NALF1: variants seen among roughly 807,000 people sequenced by gnomAD.
NALF1 encodes the protein NALCN channel auxiliary factor 1.
A neutral mutation model predicts 48.4 loss-of-function variants in NALF1; 3 were observed. The observed-to-expected ratio is 0.06, with a 90% confidence interval of 0.03 to 0.16. The LOEUF is 0.16. NALF1 is among the 10% of genes least tolerant of loss of function. The pLI, the probability that NALF1 is intolerant of heterozygous loss-of-function variation, is 1.00. For missense variants in NALF1, 526 were observed against 571.5 expected, an observed-to-expected ratio of 0.92 and a Z score of 0.81; for synonymous variants, 262 against 245.7, an observed-to-expected ratio of 1.07 and a Z score of -0.62.
chr13:107,805,737 A>G (rs1490518761), intron 1 of NALF1, among the ~76,000 whole-genome samples: 1 of 152,192 alleles, frequency 6.6e-6, no homozygotes, highest in Non-Finnish European at 1.5e-5. Flanking sequence ...ACACAGAAAT[A>G]AATTATTTTC....
Position 107,170,587 on chromosome 13 carries a change from T to C in NALF1, c.1287A>G (p.Thr429=), listed in dbSNP as rs2138762485. ...LCVLVLILLH[T]VLTASAAQNT... ...TCTGTGCTGCCGAGGCTGTGAGCAC[T>C]GTGTGTAAGAGAATCAGTACAAGAA... Residue 429 remains threonine (T), a synonymous_variant, in exon 3 of 3, where the codon ACA becomes ACG. Transcript: ENST00000375915. 1 of 1,614,224 alleles carries C rather than the reference T, an allele frequency of 6.2e-7. No individual in the cohort carries two copies. Among genetic ancestry groups the C allele is most frequent in the Non-Finnish European group, 8.5e-7 (1 of 1,180,040 alleles).
chr13:107,541,341 T>C (rs189156389), intron 1 of NALF1, among the ~76,000 whole-genome samples: 2 of 152,274 alleles, frequency 1.3e-5, no homozygotes, highest in East Asian at 1.9e-4. Context: ...TAATTCAGTA[T>C]GTCTCTGTCT....
chr13:107,209,336 G>A (rs1233495406), intron 2 of NALF1, among the ~76,000 whole-genome samples: 2 of 152,036 alleles, frequency 1.3e-5, no homozygotes, highest in African/African-American at 2.4e-5. Context: ...GTGAAACACC[G>A]TCTCTACTAA....
chr13:107,726,401 T>C (rs1876151192), intron 1 of NALF1, among the ~76,000 whole-genome samples: 1 of 152,114 alleles, frequency 6.6e-6, no homozygotes, highest in African/African-American at 2.4e-5. Flanking sequence ...TATATTATGC[T>C]GTCTCACAAA....
rs529313377 is a variant in NALF1, at chr13:107,281,917, C to T, written c.916-71162G>A. Among the ~76,000 whole-genome samples the T allele has an allele frequency of 2.0e-5, 3 of 152,210 alleles. No homozygotes were observed. In the South Asian group the frequency reaches 6.2e-4, roughly 32 times the overall value. ...CACGGGGCAGCCTGGGGGAAACCAC[C>T]CCCATGATTCAATTACATCCACCTG... is the stretch of plus-strand genomic sequence containing the variant. On this transcript the variant is annotated intron_variant, in intron 1 of 2. Transcript: ENST00000375915.
At chr13:107,766,827 T>C (rs908033270) in intron 1 of NALF1, among the ~76,000 whole-genome samples, 2 of 152,220 alleles carry the variant, frequency 1.3e-5, no homozygotes, top group African/African-American at 2.4e-5. Flanking sequence ...CCTACTTCAG[T>C]CTTTGTTTTA....
At chr13:107,411,441 T>C (rs1213764661) in intron 1 of NALF1, among the ~76,000 whole-genome samples, 1 of 151,574 alleles carries the variant, frequency 6.6e-6, no homozygotes, top group Non-Finnish European at 1.5e-5. Flanking sequence ...CCCCACAAAG[T>C]ATTGGGATTA....
At chr13:107,817,321 A>G (rs1879197605) in intron 1 of NALF1, among the ~76,000 whole-genome samples, 1 of 152,208 alleles carries the variant, frequency 6.6e-6, no homozygotes, top group Non-Finnish European at 1.5e-5. Context: ...ACAACAATGC[A>G]TATAGGTGTG....
chr13:107,850,731 C>T (rs1479208219), intron 1 of NALF1, among the ~76,000 whole-genome samples: 1 of 152,010 alleles, frequency 6.6e-6, no homozygotes, highest in Non-Finnish European at 1.5e-5. Flanking sequence ...GGTGAAACTC[C>T]ATCTCTACTA....
intron 1 of NALF1, among the ~76,000 whole-genome samples, chr13:107,580,463 C>T (rs1193797541): frequency 6.6e-6 from 1 of 152,146 alleles, no homozygotes; most frequent in Non-Finnish European, 1.5e-5. Flanking sequence ...CCCAATGGCA[C>T]CTCTCCCACA....
chr13:107,405,433 T>C (rs1056469760), intron 1 of NALF1, among the ~76,000 whole-genome samples: 2 of 152,072 alleles, frequency 1.3e-5, no homozygotes, highest in East Asian at 1.9e-4. Flanking sequence ...GTCTAGTGCC[T>C]TGAAGTGGCC....
intron 1 of NALF1, among the ~76,000 whole-genome samples, chr13:107,230,470 T>C (rs1007397512): frequency 1.3e-5 from 2 of 152,164 alleles, no homozygotes; most frequent in Non-Finnish European, 1.5e-5. Flanking sequence ...TGTGAATATA[T>C]TGACGTTGTA....
At chr13:107,432,585 G>A (rs1482037777) in intron 1 of NALF1, among the ~76,000 whole-genome samples, 2 of 152,120 alleles carry the variant, frequency 1.3e-5, no homozygotes, top group South Asian at 2.1e-4. Flanking sequence ...TGTCTGCTAC[G>A]AATGAGTGAC....
chr13:107,359,254 C>A (rs1594136085), intron 1 of NALF1, among the ~76,000 whole-genome samples: 1 of 152,024 alleles, frequency 6.6e-6, no homozygotes, highest in Non-Finnish European at 1.5e-5. Context: ...TCTCTCATGT[C>A]AACATTCATG....
At chr13:107,621,131 T>C (rs1023535554) in intron 1 of NALF1, among the ~76,000 whole-genome samples, 2 of 152,158 alleles carry the variant, frequency 1.3e-5, no homozygotes, top group African/African-American at 4.8e-5. Flanking sequence ...TTGCAGTTAG[T>C]AGTTACATTC....
intron 1 of NALF1, among the ~76,000 whole-genome samples, chr13:107,508,647 G>A (rs1875777788): frequency 6.6e-6 from 1 of 152,006 alleles, no homozygotes; most frequent in Admixed American, 6.6e-5. Flanking sequence ...TCAAATTCAA[G>A]TTGTTTTTTC....
chr13:107,776,376 G>A (rs1475132578), intron 1 of NALF1, among the ~76,000 whole-genome samples: 2 of 152,138 alleles, frequency 1.3e-5, no homozygotes, highest in African/African-American at 2.4e-5. Flanking sequence ...GTGTGGCAGT[G>A]AGAAGTAAAG....
chr13:107,261,928 C>T (rs992185639), intron 1 of NALF1, among the ~76,000 whole-genome samples: 8 of 152,094 alleles, frequency 5.3e-5, no homozygotes, highest in Admixed American at 1.3e-4. Context: ...TGTCTCTCCC[C>T]GCCTCTCCCG....
chr13:107,735,905 C>A (rs1876453803), intron 1 of NALF1, among the ~76,000 whole-genome samples: 1 of 152,126 alleles, frequency 6.6e-6, no homozygotes, highest in Non-Finnish European at 1.5e-5. Context: ...ATTGTGCATT[C>A]TTGAGCTTCT....
Sources: gnomAD v4.1 joint callset for allele counts (sites outside exome capture counted in the v4.1 genomes callset) on GRCh38, gnomAD v4.1.1 for gene constraint, MANE v1.5 for transcripts, NCBI Gene and HGNC (gene_info 2026-07-23, HGNC 2026-07-21) for gene names.